Variants in USP42 observed in about 807,000 individuals in gnomAD.
The protein encoded by USP42 is ubiquitin specific peptidase 42.
Under a neutral mutation model 113.0 loss-of-function variants are expected in USP42, and 23 were observed. The observed-to-expected ratio is 0.20, with a 90% CI of 0.15 to 0.29. The LOEUF is 0.29. Ranked by LOEUF, USP42 falls within the 10% of genes least tolerant of loss-of-function variation. The pLI is 1.00. For synonymous variants in USP42, 933 were observed against 699.0 expected (o/e 1.33, Z -5.28); for missense variants, 2,174 against 1,779.8 (o/e 1.22, Z -3.99).
intron 3 of USP42, among the ~76,000 whole-genome samples, chr7:6,122,573 C>T (rs1480964256): frequency 4.6e-5 from 7 of 151,984 alleles, no homozygotes; most frequent in Non-Finnish European, 7.4e-5. Flanking sequence ...TGGGTTCAAG[C>T]GATTCTCCTG....
intron 1 of USP42, among the ~76,000 whole-genome samples, chr7:6,105,710 C>T (rs927166081): frequency 1.5e-4 from 23 of 152,208 alleles, no homozygotes; most frequent in South Asian, 2.1e-4. Flanking sequence ...ATGTGTGCCT[C>T]TCTAGCGTTT....
At chr7:6,128,165 C>G (rs1185185509) in intron 3 of USP42, 1 of 151,770 alleles carries the variant, frequency 6.6e-6, no homozygotes, top group African/African-American at 2.4e-5. Flanking sequence ...GTTACCCAGG[C>G]TGGTCTCGAA....
intron 3 of USP42, among the ~76,000 whole-genome samples, chr7:6,132,370 T>G (rs1164539844): frequency 6.6e-6 from 1 of 152,188 alleles, no homozygotes; most frequent in Non-Finnish European, 1.5e-5. Flanking sequence ...TTTCTTGTGT[T>G]TTTTTGAGAC....
rs370723750 is a variant in USP42 at position 6,119,932 on chromosome 7, G to A, written c.442+4409G>A. Among the ~76,000 whole-genome samples, 101 of 152,122 alleles carry A rather than the reference G, an allele frequency of 6.6e-4. 2 individuals are homozygous for A. The highest frequency in any genetic ancestry group is 6.8e-3 in the Middle Eastern group (2 of 294). ...GCCCAGGCTGGTCTTGAACTCCTAC[G>A]CTTAAGCGGTTCTCTTGCCTCAGCC... is the stretch of plus-strand genomic sequence containing the variant. On this transcript the variant is annotated intron_variant, in intron 3 of 17. Coordinates refer to ENST00000306177, the MANE Select transcript of USP42 (RefSeq NM_032172.3).
Position 6,159,091 on chromosome 7 carries a change from T to TGGTCCTGC in USP42, c.3944-356_3944-349dup, listed in dbSNP as rs1183985097. ...CGGCCCCGCCTCACCCAGCGTCCTGTGGTCCTGCGGGTCCCCCTCTACCCT... is the reference window on the plus strand; with the variant it reads ...CGGCCCCGCCTCACCCAGCGTCCTGTGGTCCTGCGGTCCTGCGGGTCCCCCTCTACCCT... On this transcript the variant is annotated intron_variant, in intron 16 of 17. Transcript: ENST00000306177. This position sits in a 1 kb window ranked among gnomAD's most constrained non-coding sequence, Gnocchi z 4.1. Among the ~76,000 whole-genome samples the TGGTCCTGC allele has an allele frequency of 6.6e-6, 1 of 152,198 alleles. No homozygotes were observed. Among genetic ancestry groups the TGGTCCTGC allele is most frequent in the African/African-American group, 2.4e-5 (1 of 41,448 alleles).
upstream of USP42, among the ~76,000 whole-genome samples, chr7:6,104,367 C>A (rs1326983717): frequency 2.0e-5 from 3 of 152,212 alleles, no homozygotes; most frequent in Admixed American, 6.5e-5. Context: ...AGGCGTGAGC[C>A]ACCGCGCCCG....
At chr7:6,104,615 C>T (rs1011419742), upstream of USP42, among the ~76,000 whole-genome samples, 6 of 152,190 alleles carry the variant, frequency 3.9e-5, no homozygotes, top group Non-Finnish European at 8.8e-5. Flanking sequence ...CGCCGCGCGC[C>T]GTCTGGCTCT....
Position 6,154,435 on chromosome 7 carries a change from T to A in USP42, c.2881T>A (p.Ser961Thr). The A allele has an allele frequency of 6.4e-7, 1 of 1,570,608 alleles. No homozygotes were observed. The highest frequency in any genetic ancestry group is 8.6e-7 in the Non-Finnish European group (1 of 1,159,600). ...CTACCGCAGCCGGAGAGAGCGCTCG[T>A]CCAGCGGGGAGCCCGCCAGAGAGAG... The part of the protein sequence containing the change: ...GHYRSRRERS[S>T]SGEPARESRS... The change falls in exon 15 of 18, where the codon TCC (serine) becomes ACC (threonine). Residue 961 changes from serine to threonine, a missense_variant. By Grantham distance (58) the Ser-to-Thr change is moderately conservative. Coordinates refer to ENST00000306177, the MANE Select transcript of USP42 (RefSeq NM_032172.3).
chr7:6,108,353 C>T (rs1180924736), intron 1 of USP42, among the ~76,000 whole-genome samples: 2 of 152,020 alleles, frequency 1.3e-5, no homozygotes, highest in South Asian at 2.1e-4. Context: ...GCCTGGGCAA[C>T]GTAGTGAGAC....
chr7:6,100,313 GA>G (rs1790081294), upstream of USP42, among the ~76,000 whole-genome samples: 2 of 148,582 alleles, frequency 1.3e-5, no homozygotes, highest in Non-Finnish European at 3.0e-5. Context: ...CCATTGCCTG[GA>G]GATTTATTTA....
chr7:6,092,058 TTCTTC>T, the USP42 span, among the ~76,000 whole-genome samples: 1 of 71,150 alleles, frequency 1.4e-5, no homozygotes, highest in African/African-American at 6.3e-5. Context: ...TTCTTCTTTC[TTCTTC>T]TTCTTCTTCT....
the USP42 span, among the ~76,000 whole-genome samples, chr7:6,089,062 T>C: frequency 1.3e-4 from 20 of 150,468 alleles, no homozygotes; most frequent in Non-Finnish European, 2.2e-4. Flanking sequence ...TTTATCTTTT[T>C]GAAATGGAGT....
At chr7:6,136,622 G>A (rs1158467170) in intron 4 of USP42, among the ~76,000 whole-genome samples, 1 of 152,092 alleles carries the variant, frequency 6.6e-6, no homozygotes, top group Non-Finnish European at 1.5e-5. Flanking sequence ...ACAGGTTTTT[G>A]TAAACAGTTT....
intron 3 of USP42, among the ~76,000 whole-genome samples, chr7:6,121,725 C>A (rs1465193350): frequency 6.6e-6 from 1 of 152,122 alleles, no homozygotes. Context: ...AGTACAGTGG[C>A]AAGATCATAC....
chr7:6,154,956 C>T lies in USP42; in HGVS notation c.3402C>T (p.His1134=), dbSNP rs1782351004. ...ALAPHPDRFS[H]DRTALVAGDN... is the part of the protein sequence containing the mutation. Reference sequence around the variant, plus strand: ...CCCCGCACCCCGACCGCTTCTCCCACGACAGAACTGCACTTGTAGCCGGAG... The same window carrying T: ...CCCCGCACCCCGACCGCTTCTCCCATGACAGAACTGCACTTGTAGCCGGAG... The change falls in exon 15 of 18, where the codon CAC becomes CAT. Residue 1134 remains histidine, a synonymous_variant. Coordinates refer to ENST00000306177, the MANE Select transcript of USP42 (RefSeq NM_032172.3). 3.9e-6 allele frequency: 6 copies of T among 1,557,278 alleles called. No homozygotes were observed. The Admixed American group carries it at 7.7e-5, about 20-fold the overall frequency.
At chr7:6,153,367 C>T (rs931513808) in intron 14 of USP42, among the ~76,000 whole-genome samples, 3 of 151,500 alleles carry the variant, frequency 2.0e-5, no homozygotes, top group Admixed American at 6.6e-5. Flanking sequence ...GAGCCTAGAA[C>T]TCTAGGATTA....
intron 1 of USP42, among the ~76,000 whole-genome samples, chr7:6,107,662 T>G (rs1455331149): frequency 6.6e-6 from 1 of 151,978 alleles, no homozygotes; most frequent in Non-Finnish European, 1.5e-5. Context: ...GCCCGCCTCG[T>G]CCTCCCAAAG....
At position 6,157,468 on chromosome 7, in the gene USP42, G is replaced by A; in HGVS notation, c.3943+413G>A. 3.7e-6 allele frequency: 3 copies of A among 812,686 alleles called. No individual in the cohort carries two copies. The highest frequency in any genetic ancestry group is 4.5e-6 in the Non-Finnish European group (3 of 672,472). 50.3% of individuals were successfully genotyped at this position (812,686 alleles called of 1,614,324 possible). ...CTGGAGTGCAGTGGCGGCGATCTCA[G>A]CTCACTGCAACCTCTGCCTCCCAGG... On this transcript the variant is annotated intron_variant, in intron 16 of 17. Transcript: ENST00000306177. This position sits in a 1 kb window ranked among gnomAD's most constrained non-coding sequence, Gnocchi z 4.1.
At chr7:6,148,964 G>T (rs1379471954) in intron 12 of USP42, among the ~76,000 whole-genome samples, 1 of 152,216 alleles carries the variant, frequency 6.6e-6, no homozygotes, top group South Asian at 2.1e-4. Context: ...TCCAGTGTTA[G>T]GATGGCAGCT....
Sources: allele counts gnomAD v4.1 joint callset (sites outside exome capture counted in the v4.1 genomes callset), GRCh38; gene constraint gnomAD v4.1.1; non-coding constraint Gnocchi (gnomAD v3.1); transcripts MANE v1.5; gene names NCBI Gene and HGNC (gene_info 2026-07-23, HGNC 2026-07-21).